SAV1: variants seen among roughly 807,000 people sequenced by gnomAD.
SAV1 encodes salvador family WW domain containing protein 1.
SAV1 carries 23 observed loss-of-function variants against 47.3 expected under a neutral mutation model. That is an observed-to-expected ratio of 0.49 (90% CI 0.35 to 0.69). The LOEUF (loss-of-function observed/expected upper bound fraction) is 0.69, where lower values mean the gene tolerates loss of function less well. SAV1 is among the 30% of genes least tolerant of loss of function. The probability of loss-of-function intolerance (pLI) is 0.01; values close to 1 mark genes in which losing one functional copy is unlikely to be tolerated. For synonymous variants in SAV1, 155 were observed against 159.2 expected, an observed-to-expected ratio of 0.97 and a Z score of 0.20; for missense variants, 448 against 457.4, an observed-to-expected ratio of 0.98 and a Z score of 0.19.
At chr14:50,635,901 GT>G (rs1382393307) in intron 4 of SAV1, among the ~76,000 whole-genome samples, 3 of 152,156 alleles carry the variant, frequency 2.0e-5, no homozygotes, top group African/African-American at 7.2e-5. Context: ...TAGAGACAGA[GT>G]TTCACCATGT....
intron 2 of SAV1, among the ~76,000 whole-genome samples, chr14:50,654,360 T>G (rs1375287162): frequency 2.6e-5 from 4 of 152,230 alleles, no homozygotes; most frequent in Non-Finnish European, 5.9e-5. Context: ...AGAAACCACT[T>G]TCTTTGCTCA....
chr14:50,667,631 G>A (rs1426187777), intron 1 of SAV1: 1 of 490,688 alleles, frequency 2.0e-6, no homozygotes, highest in East Asian at 3.5e-5. Context: ...GGGCGAGGAA[G>A]TCTGTTATTT....
chr14:50,664,494 T>C (rs879004066), intron 2 of SAV1: 1 of 152,234 alleles, frequency 6.6e-6, no homozygotes, highest in African/African-American at 2.4e-5. Flanking sequence ...TAAAGTAGAA[T>C]TGTACATTTC....
intron 1 of SAV1, chr14:50,667,246 A>T: frequency 4.0e-6 from 1 of 247,476 alleles, no homozygotes; most frequent in Non-Finnish European, 8.4e-6. Context: ...CTCTAATACG[A>T]TAGAAATTAT....
Position 50,665,280 on chromosome 14 carries a change from T to G in SAV1, c.434A>C (p.Lys145Thr). The change falls in exon 2 of 5, where the codon AAG becomes ACG. Residue 145 changes from lysine (K) to threonine (T), a missense_variant. Transcript: ENST00000324679. ...ATGTGCACGATCTCCAAGTGGCCGC[T>G]TTCTCTGACCATCAAAAAAATTGTC... is the stretch of plus-strand genomic sequence containing the variant. ...YSDNFFDGQR[K>T]RPLGDRAHED... The G allele has an allele frequency of 6.2e-7, 1 of 1,613,898 alleles. No homozygotes were observed. Among genetic ancestry groups the G allele is most frequent in the Non-Finnish European group, 8.5e-7 (1 of 1,179,814 alleles).
At chr14:50,642,124 A>C (rs1206335547) in intron 3 of SAV1, among the ~76,000 whole-genome samples, 1 of 152,146 alleles carries the variant, frequency 6.6e-6, no homozygotes, top group South Asian at 2.1e-4. Flanking sequence ...AACTAATACC[A>C]CATGTTGATA....
At chr14:50,666,926 T>A (rs1345556096) in intron 1 of SAV1, among the ~76,000 whole-genome samples, 1 of 152,058 alleles carries the variant, frequency 6.6e-6, no homozygotes, top group East Asian at 1.9e-4. Context: ...TGCTCTCCCA[T>A]CTGTGTGATC....
chr14:50,653,038 A>C (rs2039782456), intron 2 of SAV1, among the ~76,000 whole-genome samples: 2 of 152,166 alleles, frequency 1.3e-5, no homozygotes, highest in South Asian at 4.1e-4. Context: ...AAAAAAAAGA[A>C]ATTGAAAAAA....
chr14:50,642,341 T>TA (rs1179116323), intron 3 of SAV1, among the ~76,000 whole-genome samples: 5 of 151,856 alleles, frequency 3.3e-5, no homozygotes, highest in Admixed American at 3.3e-4. Context: ...ATACAAAACT[T>TA]AACCAGGCTT....
At chr14:50,651,083 GCAGCCCCA>G (rs2039765177) in intron 2 of SAV1, among the ~76,000 whole-genome samples, 1 of 151,058 alleles carries the variant, frequency 6.6e-6, no homozygotes, top group African/African-American at 2.4e-5. Context: ...TCGGATAACT[GCAGCCCCA>G]GCTGACGTGT....
At chr14:50,659,564 C>T (rs75575340) in intron 2 of SAV1, among the ~76,000 whole-genome samples, 147 of 152,306 alleles carry the variant, frequency 9.7e-4, no homozygotes, top group Middle Eastern at 3.4e-3. Context: ...GAACAATAAT[C>T]CAGACTGGGT....
At chr14:50,639,869 T>C (rs1215262622) in intron 4 of SAV1, among the ~76,000 whole-genome samples, 2 of 152,210 alleles carry the variant, frequency 1.3e-5, no homozygotes, top group African/African-American at 2.4e-5. Flanking sequence ...ACAGATATTA[T>C]GTACTATTTA....
At chr14:50,641,984 T>A (rs1310987627) in intron 3 of SAV1, among the ~76,000 whole-genome samples, 3 of 151,918 alleles carry the variant, frequency 2.0e-5, no homozygotes, top group Non-Finnish European at 2.9e-5. Flanking sequence ...GTGGGCTGGA[T>A]AAAGAAAATG....
intron 4 of SAV1, 31 bp downstream of exon 4, chr14:50,640,719 T>G (rs1566740483): frequency 6.3e-7 from 1 of 1,592,306 alleles, no homozygotes; most frequent in African/African-American, 1.3e-5. Context: ...CACTCACTCC[T>G]CAAACAAATT....
At chr14:50,648,304 A>C (rs1019713637) in intron 2 of SAV1, among the ~76,000 whole-genome samples, 1 of 152,216 alleles carries the variant, frequency 6.6e-6, no homozygotes, top group East Asian at 1.9e-4. Context: ...GGAGTTGACT[A>C]TAAGAGGACA....
At position 50,651,622 on chromosome 14, in the gene SAV1, CTTAT is replaced by C. The variant is rs1284249377; in HGVS notation, c.536-6612_536-6609del. Among the ~76,000 whole-genome samples the C allele has an allele frequency of 2.6e-5, 4 of 152,060 alleles. No homozygotes were observed. The East Asian group carries it at 5.8e-4, about 22-fold the overall frequency. ...AATTCAAAGTGAATTTTATGTATTA[CTTAT>C]TTATTGTTATTTATTTTTGAGACAG... On this transcript the variant is annotated intron_variant, in intron 2 of 4. Transcript: ENST00000324679.
chr14:50,657,042 T>G (rs2039819112), intron 2 of SAV1, among the ~76,000 whole-genome samples: 1 of 151,054 alleles, frequency 6.6e-6, no homozygotes, highest in Non-Finnish European at 1.5e-5. Flanking sequence ...TTTTTTTTTT[T>G]TTGAGACGGA....
At chr14:50,652,751 C>T (rs2039779343) in intron 2 of SAV1, among the ~76,000 whole-genome samples, 1 of 152,178 alleles carries the variant, frequency 6.6e-6, no homozygotes, top group South Asian at 2.1e-4. Context: ...AAAAAAAAGG[C>T]TGGGCACAGT....
At position 50,640,638 on chromosome 14, in the gene SAV1, C is replaced by T. The variant is rs149167145; in HGVS notation, c.950+112G>A. Reference sequence around the variant, plus strand: ...ATTCAAGTCACGTATTACTTAGAAGCCGAATATTATTAAGAGTAAAATATG... The same window carrying T: ...ATTCAAGTCACGTATTACTTAGAAGTCGAATATTATTAAGAGTAAAATATG... On this transcript the variant is annotated intron_variant, in intron 4 of 4. Coordinates refer to ENST00000324679, the MANE Select transcript of SAV1 (RefSeq NM_021818.4). 45 of 861,088 alleles carry T rather than the reference C, an allele frequency of 5.2e-5. No homozygotes were observed. In the Middle Eastern group the frequency reaches 2.0e-3, roughly 39 times the overall value. The allele number at this position is 861,088 out of a possible 1,614,324, so 53.3% of individuals were successfully genotyped here.
Sources: allele counts gnomAD v4.1 joint callset (sites outside exome capture counted in the v4.1 genomes callset), GRCh38; gene constraint gnomAD v4.1.1; transcripts MANE v1.5; gene names NCBI Gene and HGNC (gene_info 2026-07-23, HGNC 2026-07-21).